Variants in PTPRD observed in about 807,000 individuals in gnomAD.
PTPRD encodes the protein protein tyrosine phosphatase receptor type D, also known as receptor-type tyrosine-protein phosphatase delta.
In PTPRD, 34 loss-of-function variants were observed where a neutral mutation model predicts 214.5. The observed-to-expected ratio is 0.16, with a 90% CI of 0.12 to 0.21. The LOEUF (loss-of-function observed/expected upper bound fraction) is 0.21. Ranked by LOEUF, PTPRD falls within the 10% of genes least tolerant of loss-of-function variation. The pLI is 1.00. For missense variants in PTPRD, 2,545 were observed against 2,398.7 expected (o/e 1.06, Z -1.27); for synonymous variants, 1,128 against 845.7 (o/e 1.33, Z -5.79).
chr9:10,359,994 C>G (rs1438691322), intron 2 of PTPRD, among the ~76,000 whole-genome samples: 1 of 152,158 alleles, frequency 6.6e-6, no homozygotes, highest in Non-Finnish European at 1.5e-5. Context: ...CCAATGTCAG[C>G]TACAGATTTA....
chr9:8,794,027 G>A (rs546269294), intron 11 of PTPRD, among the ~76,000 whole-genome samples: 66 of 152,266 alleles, frequency 4.3e-4, no homozygotes, highest in Non-Finnish European at 7.2e-4. Flanking sequence ...CTAAAGAAAC[G>A]TCTTACTTGA....
chr9:9,899,025 A>G (rs1252282517), intron 5 of PTPRD, among the ~76,000 whole-genome samples: 1 of 152,138 alleles, frequency 6.6e-6, no homozygotes, highest in African/African-American at 2.4e-5. Flanking sequence ...TCTGTAACTA[A>G]TAAGTGAGTT....
chr9:10,310,133 C>T (rs952549081), intron 3 of PTPRD, among the ~76,000 whole-genome samples: 1 of 151,944 alleles, frequency 6.6e-6, no homozygotes, highest in Non-Finnish European at 1.5e-5. Context: ...TTTATGGAGA[C>T]TTAAAATCAT....
intron 3 of PTPRD, among the ~76,000 whole-genome samples, chr9:10,309,792 C>CA (rs1042905033): frequency 3.3e-5 from 5 of 151,748 alleles, no homozygotes; most frequent in African/African-American, 7.3e-5. Context: ...TCAATTTAAA[C>CA]AAAAAAATTA....
At chr9:8,342,239 T>A (rs1853132580) in intron 39 of PTPRD, among the ~76,000 whole-genome samples, 1 of 152,076 alleles carries the variant, frequency 6.6e-6, no homozygotes, top group African/African-American at 2.4e-5. Flanking sequence ...CTATGTTCCT[T>A]GATCATGCAA....
At chr9:8,523,475 G>C (rs1442569683) in intron 19 of PTPRD, 38 bp downstream of exon 19, 1 of 1,607,574 alleles carries the variant, frequency 6.2e-7, no homozygotes, top group Non-Finnish European at 8.5e-7. Context: ...TTAATTAATA[G>C]TTTTGTAAGG....
chr9:9,478,768 T>C (rs2095248162), intron 8 of PTPRD, among the ~76,000 whole-genome samples: 2 of 152,192 alleles, frequency 1.3e-5, no homozygotes, highest in Non-Finnish European at 2.9e-5. Flanking sequence ...ACCCCAAATA[T>C]TTCAAGTGCC....
At chr9:10,260,933 T>A (rs2154375562) in intron 3 of PTPRD, among the ~76,000 whole-genome samples, 1 of 151,042 alleles carries the variant, frequency 6.6e-6, no homozygotes, top group Non-Finnish European at 1.5e-5. Context: ...GGGAATTATA[T>A]TATTTAGGGC....
intron 3 of PTPRD, among the ~76,000 whole-genome samples, chr9:10,261,043 ATATAT>A (rs1292673851): frequency 2.1e-5 from 3 of 139,594 alleles, no homozygotes; most frequent in African/African-American, 8.1e-5. Flanking sequence ...ATATGTGTAT[ATATAT>A]TATATATGTG....
rs1302664206 is a variant in PTPRD at position 8,561,694 on chromosome 9, A to G, written c.353-32915T>C. Among the ~76,000 whole-genome samples, 4 of 152,078 alleles carry G rather than the reference A, an allele frequency of 2.6e-5. No individual in the cohort carries two copies. In the East Asian group the frequency reaches 5.8e-4, roughly 22 times the overall value. On this transcript the variant is annotated intron_variant, in intron 14 of 45. Coordinates refer to ENST00000381196, the MANE Select transcript of PTPRD (RefSeq NM_002839.4). ...CTGCGTCAGTGATTCAGTGATATATAAATTCAAATTTCAAGAATTCATTAT... is the reference window on the plus strand; with the variant it reads ...CTGCGTCAGTGATTCAGTGATATATGAATTCAAATTTCAAGAATTCATTAT...
At chr9:8,349,675 G>A (rs1247204091) in intron 39 of PTPRD, among the ~76,000 whole-genome samples, 2 of 152,068 alleles carry the variant, frequency 1.3e-5, no homozygotes, top group Non-Finnish European at 2.9e-5. Flanking sequence ...TTTTAAAAAA[G>A]GAGTGCATAA....
intron 2 of PTPRD, among the ~76,000 whole-genome samples, chr9:10,430,126 T>C (rs1462658955): frequency 6.6e-6 from 1 of 151,994 alleles, no homozygotes; most frequent in Non-Finnish European, 1.5e-5. Context: ...CCTTCATGTA[T>C]TTCCCTCCAT....
At chr9:10,374,186 T>C (rs1333678053) in intron 2 of PTPRD, among the ~76,000 whole-genome samples, 1 of 152,112 alleles carries the variant, frequency 6.6e-6, no homozygotes, top group East Asian at 1.9e-4. Flanking sequence ...TTTCCCTTTC[T>C]GGTCATCAAA....
intron 2 of PTPRD, among the ~76,000 whole-genome samples, chr9:10,501,547 C>T (rs1272331281): frequency 2.0e-5 from 3 of 151,880 alleles, no homozygotes; most frequent in Non-Finnish European, 4.4e-5. Flanking sequence ...ATCACTCACA[C>T]CCAGCAGATT....
intron 3 of PTPRD, among the ~76,000 whole-genome samples, chr9:10,233,853 G>A (rs954682961): frequency 6.6e-6 from 1 of 151,880 alleles, no homozygotes; most frequent in African/African-American, 2.4e-5. Context: ...TAGCAAAAAT[G>A]AGTAGCCCTA....
At chr9:9,422,925 G>A (rs1324146471) in intron 8 of PTPRD, among the ~76,000 whole-genome samples, 1 of 152,112 alleles carries the variant, frequency 6.6e-6, no homozygotes, top group Non-Finnish European at 1.5e-5. Context: ...ACAAAAATTA[G>A]ATTTGAGAGC....
intron 10 of PTPRD, among the ~76,000 whole-genome samples, chr9:9,129,556 C>G (rs373655259): frequency 6.6e-6 from 1 of 152,184 alleles, no homozygotes; most frequent in South Asian, 2.1e-4. Context: ...GCTGATACAT[C>G]GTTCAATTAA....
At chr9:9,691,918 C>T (rs2097278667) in intron 7 of PTPRD, among the ~76,000 whole-genome samples, 1 of 151,842 alleles carries the variant, frequency 6.6e-6, no homozygotes, top group South Asian at 2.1e-4. Flanking sequence ...CATTTGTATG[C>T]CTTCTTCTGG....
At chr9:8,840,354 T>G (rs898114941) in intron 11 of PTPRD, among the ~76,000 whole-genome samples, 5 of 152,206 alleles carry the variant, frequency 3.3e-5, no homozygotes, top group Admixed American at 6.5e-5. Context: ...AGAGTTCCCC[T>G]GCACAAACTC....
Sources: allele counts gnomAD v4.1 joint callset (sites outside exome capture counted in the v4.1 genomes callset), GRCh38; gene constraint gnomAD v4.1.1; transcripts MANE v1.5; gene names NCBI Gene and HGNC (gene_info 2026-07-23, HGNC 2026-07-21).